Variants in ATG7 observed in about 807,000 individuals in gnomAD.
ATG7 encodes ubiquitin-like modifier-activating enzyme ATG7.
ATG7 carries 70 observed loss-of-function variants against 82.4 expected under a neutral mutation model. The ratio of observed to expected loss-of-function variants is 0.85; its 90% CI spans 0.70 to 1.04. The LOEUF (loss-of-function observed/expected upper bound fraction) is 1.04, where lower values mean the gene tolerates loss of function less well. ATG7 is among the 50% of genes least tolerant of loss of function. The probability of loss-of-function intolerance (pLI) is 0.00; values close to 1 mark genes in which losing one functional copy is unlikely to be tolerated. For synonymous variants in ATG7, 287 were observed against 313.0 expected (o/e 0.92, Z 0.88); for missense variants, 792 against 864.3 (o/e 0.92, Z 1.05).
At chr3:11,334,621 T>C (rs993935057) in intron 11 of ATG7, among the ~76,000 whole-genome samples, 5 of 145,100 alleles carry the variant, frequency 3.4e-5, no homozygotes, top group Non-Finnish European at 6.0e-5. Flanking sequence ...GCCATAGATA[T>C]GCCTTAAAAT....
intron 18 of ATG7, among the ~76,000 whole-genome samples, chr3:11,379,683 A>G (rs751630211): frequency 6.6e-6 from 1 of 152,216 alleles, no homozygotes; most frequent in Non-Finnish European, 1.5e-5. Flanking sequence ...AATACTTTAG[A>G]TACTACAGCT....
chr3:11,566,006 T>C, the ATG7 span, among the ~76,000 whole-genome samples: 1 of 152,180 alleles, frequency 6.6e-6, no homozygotes, highest in Non-Finnish European at 1.5e-5. Context: ...GGTGGTGAAT[T>C]ATGATTTGAG....
intron 20 of ATG7, among the ~76,000 whole-genome samples, chr3:11,472,869 T>C (rs1052979182): frequency 6.6e-6 from 1 of 152,220 alleles, no homozygotes; most frequent in African/African-American, 2.4e-5. Context: ...TGAAATCTTA[T>C]TTTTCTTGAT....
chr3:11,322,318 C>T (rs954733824), intron 9 of ATG7, among the ~76,000 whole-genome samples: 5 of 152,150 alleles, frequency 3.3e-5, no homozygotes, highest in African/African-American at 4.8e-5. Flanking sequence ...ATTTAAGAAT[C>T]GCAAATAGCT....
rs1036935586 is a variant in ATG7, at chr3:11,339,295, CA to C, written c.890-1332del. 6.0e-3 allele frequency among the ~76,000 whole-genome samples: 536 copies of C among 89,688 alleles called. 4 individuals are homozygous for C. The highest frequency in any genetic ancestry group is 0.018 in the African/African-American group (445 of 24,276). 58.8% of individuals were successfully genotyped at this position (89,688 alleles called of 152,430 possible). Reference sequence around the variant, plus strand: ...TGGGCGACAGAGCGAGACTCTGTTTCAAAAAAAAAAAAAAAAAAGAAAAGAA... The same window carrying C: ...TGGGCGACAGAGCGAGACTCTGTTTCAAAAAAAAAAAAAAAAAGAAAAGAA... On this transcript the variant is annotated intron_variant, in intron 11 of 20. Coordinates refer to ENST00000693202, the MANE Select transcript of ATG7 (RefSeq NM_001349232.2).
chr3:11,303,638 G>C (rs563158861), intron 5 of ATG7, among the ~76,000 whole-genome samples: 1 of 150,062 alleles, frequency 6.7e-6, no homozygotes, highest in Admixed American at 6.6e-5. Flanking sequence ...ACTGCACTCC[G>C]GCCTGGGCGA....
At chr3:11,455,294 C>T (rs1245996025) in intron 20 of ATG7, among the ~76,000 whole-genome samples, 1 of 152,150 alleles carries the variant, frequency 6.6e-6, no homozygotes, top group Non-Finnish European at 1.5e-5. Flanking sequence ...CTCACAGAAC[C>T]TATTCCATGT....
chr3:11,535,014 C>T (rs1220250674), intron 20 of ATG7, among the ~76,000 whole-genome samples: 1 of 152,254 alleles, frequency 6.6e-6, no homozygotes, highest in East Asian at 1.9e-4. Context: ...TCTTTGCTCC[C>T]TTAATGGCCC....
At chr3:11,290,692 C>CT (rs964676188) in intron 3 of ATG7, 199 of 210,636 alleles carry the variant, frequency 9.4e-4, no homozygotes, top group Middle Eastern at 5.8e-3. Flanking sequence ...CTGTTATCTT[C>CT]TTTTTTTTTG....
chr3:11,564,689 C>T, the ATG7 span: 2 of 1,349,912 alleles, frequency 1.5e-6, no homozygotes, highest in Middle Eastern at 2.5e-4. Flanking sequence ...TCCCTCACCA[C>T]CTCCCTCCCT....
intron 20 of ATG7, among the ~76,000 whole-genome samples, chr3:11,444,431 C>G (rs527251113): frequency 6.6e-6 from 1 of 152,196 alleles, no homozygotes; most frequent in Non-Finnish European, 1.5e-5. Flanking sequence ...CCACTAAACA[C>G]TGTCATATCT....
intron 20 of ATG7, among the ~76,000 whole-genome samples, chr3:11,510,850 G>A: frequency 6.6e-6 from 1 of 152,200 alleles, no homozygotes; most frequent in Non-Finnish European, 1.5e-5. Context: ...GGTGCCCCTG[G>A]ATAATTTGCC....
chr3:11,486,341 C>A (rs1407649624), intron 20 of ATG7, among the ~76,000 whole-genome samples: 1 of 152,070 alleles, frequency 6.6e-6, no homozygotes, highest in Non-Finnish European at 1.5e-5. Flanking sequence ...GGCTGTTTGT[C>A]TGTTATTGCT....
intron 20 of ATG7, among the ~76,000 whole-genome samples, chr3:11,482,520 C>CT (rs2153034222): frequency 6.6e-6 from 1 of 152,314 alleles, no homozygotes; most frequent in South Asian, 2.1e-4. Flanking sequence ...TCACCCTTCC[C>CT]TTCCTCCTTG....
intron 18 of ATG7, among the ~76,000 whole-genome samples, chr3:11,378,792 A>G (rs1247063152): frequency 1.3e-5 from 2 of 151,832 alleles, no homozygotes; most frequent in African/African-American, 2.4e-5. Context: ...CAGTGTGAGC[A>G]TCAGGATGGA....
At chr3:11,321,095 G>A (rs1459094432) in intron 9 of ATG7, among the ~76,000 whole-genome samples, 1 of 152,206 alleles carries the variant, frequency 6.6e-6, no homozygotes, top group East Asian at 1.9e-4. Flanking sequence ...GGAATGTTTT[G>A]GAAGTAATGG....
Position 11,328,147 on chromosome 3 carries a change from T to A in ATG7, c.679-3193T>A, listed in dbSNP as rs117805005. Among the ~76,000 whole-genome samples, 55 of 152,370 alleles carry A rather than the reference T, an allele frequency of 3.6e-4. No homozygotes were observed. The East Asian group carries it at 0.01, about 28-fold the overall frequency. ...GATTGCTGGGCTCACCACTGGAGATTCTGAGTCTATCACCAATAATGATAT... is the reference window on the plus strand; with the variant it reads ...GATTGCTGGGCTCACCACTGGAGATACTGAGTCTATCACCAATAATGATAT... On this transcript the variant is annotated intron_variant, in intron 9 of 20. Coordinates refer to ENST00000693202, the MANE Select transcript of ATG7 (RefSeq NM_001349232.2).
At chr3:11,432,617 A>C (rs2083001802) in intron 20 of ATG7, among the ~76,000 whole-genome samples, 1 of 152,104 alleles carries the variant, frequency 6.6e-6, no homozygotes, top group Non-Finnish European at 1.5e-5. Context: ...CTACATAACC[A>C]AAAATCACCT....
intron 20 of ATG7, among the ~76,000 whole-genome samples, chr3:11,509,098 C>T (rs1396513459): frequency 1.3e-5 from 2 of 152,222 alleles, no homozygotes; most frequent in African/African-American, 2.4e-5. Flanking sequence ...AGTACCTTAA[C>T]TCTTCTTATT....
Sources: allele counts gnomAD v4.1 joint callset (sites outside exome capture counted in the v4.1 genomes callset), GRCh38; gene constraint gnomAD v4.1.1; transcripts MANE v1.5; gene names NCBI Gene and HGNC (gene_info 2026-07-23, HGNC 2026-07-21).